AGL: variants seen among roughly 807,000 people sequenced by gnomAD.
AGL encodes glycogen debranching enzyme.
A neutral mutation model predicts 199.3 loss-of-function variants in AGL; 128 were observed. The ratio of observed to expected loss-of-function variants is 0.64; its 90% CI spans 0.56 to 0.74. The LOEUF (loss-of-function observed/expected upper bound fraction) is 0.74. Ranked by LOEUF, AGL falls within the 30% of genes least tolerant of loss-of-function variation. The pLI, the probability that AGL is intolerant of heterozygous loss-of-function variation, is 0.00. For synonymous variants in AGL, 584 were observed against 594.7 expected, an observed-to-expected ratio of 0.98 and a Z score of 0.26; for missense variants, 1,809 against 1,820.8, an observed-to-expected ratio of 0.99 and a Z score of 0.12.
rs751094147 is a variant in AGL at position 99,887,988 on chromosome 1, A to C, written c.2692A>C (p.Arg898=). Residue 898 remains arginine (R), a synonymous_variant, in exon 21 of 34, where the codon AGA becomes CGA. Coordinates refer to ENST00000361915, the MANE Select transcript of AGL (RefSeq NM_000642.3). The part of the protein sequence containing the change: ...LKIPFASLAS[R]LTLAELNQIL... The stretch of plus-strand genomic sequence containing the variant: ...TTTTCCAATTCTTAGTCTTGCCTCC[A>C]GATTAACTTTGGCTGAGCTAAATCA... 1 of 1,613,426 alleles carries C rather than the reference A, an allele frequency of 6.2e-7. No homozygotes were observed. The highest frequency in any genetic ancestry group is 8.5e-7 in the Non-Finnish European group (1 of 1,179,562).
At chr1:99,905,669 G>A (rs1205736206) in intron 27 of AGL, among the ~76,000 whole-genome samples, 1 of 152,084 alleles carries the variant, frequency 6.6e-6, no homozygotes, top group Non-Finnish European at 1.5e-5. Flanking sequence ...TAATTCCTGG[G>A]TTTAAGCAGT....
chr1:99,923,075 G>T lies in AGL; in HGVS notation c.*1424G>T, dbSNP rs539563332. On this transcript the variant is annotated 3_prime_UTR_variant, in exon 34 of 34. Coordinates refer to ENST00000361915, the MANE Select transcript of AGL (RefSeq NM_000642.3). ...TATCTGCCTGCTCTTCTTCAAAGCT[G>T]ACCTTGCTTTAGAAATAGTTTTAAC... 4 of 152,224 alleles carry T rather than the reference G, an allele frequency of 2.6e-5. No homozygotes were observed. Among genetic ancestry groups the T allele is most frequent in the East Asian group, 1.9e-4 (1 of 5,190 alleles). The allele number at this position is 152,224 out of a possible 1,614,324, so 9.4% of individuals were successfully genotyped here. A position where few individuals can be genotyped will look rare whatever the true frequency, so the allele number is the denominator to read the frequency against.
intron 20 of AGL, among the ~76,000 whole-genome samples, chr1:99,885,283 A>G (rs1025724520): frequency 2.6e-5 from 4 of 152,158 alleles, no homozygotes; most frequent in African/African-American, 7.2e-5. Context: ...TCTTGGATCT[A>G]TTGTTTAGAA....
At chr1:99,902,635 GA>G (rs1267601920) in intron 26 of AGL, 47 bp from the exon 27 acceptor site, 5 of 1,440,546 alleles carry the variant, frequency 3.5e-6, no homozygotes, top group East Asian at 4.6e-5. Flanking sequence ...GGGAAAATAA[GA>G]AAAATGTAAT....
At chr1:99,916,115 T>G (rs1352692343) in intron 31 of AGL, among the ~76,000 whole-genome samples, 1 of 152,162 alleles carries the variant, frequency 6.6e-6, no homozygotes. Context: ...ATAGTTGACT[T>G]TAAACCAAGC....
At chr1:99,907,578 AC>A (rs1245131496) in intron 27 of AGL, among the ~76,000 whole-genome samples, 14 of 152,162 alleles carry the variant, frequency 9.2e-5, no homozygotes, top group African/African-American at 3.1e-4. Context: ...CTAATAGTAA[AC>A]AGGCTTCCAT....
Position 99,921,587 on chromosome 1 carries a change from C to CT in AGL, c.4538dup (p.Ser1514GlnfsTer3). On this transcript the variant is annotated frameshift_variant, in exon 34 of 34. Transcript: ENST00000361915. LOFTEE classifies it high-confidence loss of function. Reference sequence around the variant, plus strand: ...ACCAATGAGAATGCCCAGTACTGTCCTTTCAGCTGTGAAACACAAGCCTGG... The same window carrying CT: ...ACCAATGAGAATGCCCAGTACTGTCCTTTTCAGCTGTGAAACACAAGCCTGG... 1 of 1,613,184 alleles carries CT rather than the reference C, an allele frequency of 6.2e-7. No homozygotes were observed. The highest frequency in any genetic ancestry group is 8.5e-7 in the Non-Finnish European group (1 of 1,179,486).
In AGL at chr1:99,923,167, C is replaced by CA. The variant is rs1655626015; in HGVS notation, c.*1517dup. Reference sequence around the variant, plus strand: ...CCTACAAATTTAAGGACAGTTGTGACAGTAATCTGACCACTATCTATAAAT... The same window carrying CA: ...CCTACAAATTTAAGGACAGTTGTGACAAGTAATCTGACCACTATCTATAAAT... On this transcript the variant is annotated 3_prime_UTR_variant, in exon 34 of 34. Transcript: ENST00000361915. The CA allele has an allele frequency of 2.0e-5, 3 of 152,098 alleles. No homozygotes were observed. Among genetic ancestry groups the CA allele is most frequent in the Admixed American group, 2.0e-4 (3 of 15,272 alleles). The allele number at this position is 152,098 out of a possible 1,614,324, so 9.4% of individuals were successfully genotyped here.
intron 25 of AGL, 27 bp from the exon 26 acceptor site, chr1:99,900,609 C>T (rs932649242): frequency 8.3e-5 from 133 of 1,593,784 alleles, no homozygotes; most frequent in Non-Finnish European, 1.1e-4. Flanking sequence ...GTTTTCATTT[C>T]TGATCCACTT....
intron 12 of AGL, among the ~76,000 whole-genome samples, chr1:99,879,285 T>G (rs1333517387): frequency 1.3e-5 from 2 of 152,090 alleles, no homozygotes; most frequent in African/African-American, 2.4e-5. Flanking sequence ...CTGATTAAAG[T>G]TTTAAAAATA....
chr1:99,864,730 G>A lies in AGL; in HGVS notation c.664+141G>A, dbSNP rs1650362504. The A allele has an allele frequency of 1.8e-5, 13 of 710,486 alleles. 1 individual carries two copies. In the South Asian group the frequency reaches 2.4e-4, roughly 13 times the overall value. The allele number at this position is 710,486 out of a possible 1,614,324, so 44.0% of individuals were successfully genotyped here. A position where few individuals can be genotyped will look rare whatever the true frequency, so the allele number is the denominator to read the frequency against. On this transcript the variant is annotated intron_variant, in intron 5 of 33. Transcript: ENST00000361915. ...TTTTAAAAACACAAATGATGATTAGGTGTCCTTCTGTTTAAAAAATTAATA... is the reference window on the plus strand; with the variant it reads ...TTTTAAAAACACAAATGATGATTAGATGTCCTTCTGTTTAAAAAATTAATA...
rs1234703417 is a variant in AGL, at chr1:99,884,025, C to G, written c.2309-95C>G. ...AAAAAAGTAACTGATAATTTGTTTT[C>G]AACTTTAAGTTAAATGATTTGAAAC... On this transcript the variant is annotated intron_variant, in intron 17 of 33. Transcript: ENST00000361915. 49 of 1,052,134 alleles carry G rather than the reference C, an allele frequency of 4.7e-5. 1 individual carries two copies. Among genetic ancestry groups the G allele is most frequent in the Middle Eastern group, 3.1e-4 (1 of 3,230 alleles). 65.2% of individuals were successfully genotyped at this position (1,052,134 alleles called of 1,614,324 possible).
chr1:99,894,086 G>T (rs750819803), intron 24 of AGL, among the ~76,000 whole-genome samples: 15 of 152,044 alleles, frequency 9.9e-5, no homozygotes, highest in Admixed American at 6.6e-5. Flanking sequence ...TACTCAGGAG[G>T]CTGGGGCAGG....
At chr1:99,908,416 T>G (rs993092313) in intron 27 of AGL, among the ~76,000 whole-genome samples, 1 of 152,216 alleles carries the variant, frequency 6.6e-6, no homozygotes, top group Non-Finnish European at 1.5e-5. Context: ...TTAGTGTAGC[T>G]TTGTAGTAAG....
At chr1:99,857,847 A>AGAGGGAGACCGTGGGGAGGGGGCGGGGGT (rs1557743553) in intron 2 of AGL, among the ~76,000 whole-genome samples, 1 of 8,226 alleles carries the variant, frequency 1.2e-4, no homozygotes, top group Admixed American at 1.1e-3. Flanking sequence ...GGGGAGGGGG[A>AGAGGGAGACCGTGGGGAGGGGGCGGGGGT]GGGGGGAAGA....
At chr1:99,876,386 T>G (rs1249141151) in intron 10 of AGL, 72 bp from the exon 11 acceptor site, 1 of 1,210,984 alleles carries the variant, frequency 8.3e-7, no homozygotes, top group Non-Finnish European at 1.2e-6. Flanking sequence ...AGTTTAGTTT[T>G]AATATTGCAA....
At position 99,921,957 on chromosome 1, in the gene AGL, G is replaced by A; in HGVS notation, c.*306G>A. 1.9e-5 allele frequency: 4 copies of A among 208,044 alleles called. No individual in the cohort carries two copies. The highest frequency in any genetic ancestry group is 1.1e-4 in the South Asian group (1 of 8,862). 12.9% of individuals were successfully genotyped at this position (208,044 alleles called of 1,614,324 possible). A position where few individuals can be genotyped will look rare whatever the true frequency, so the allele number is the denominator to read the frequency against. ...TGTCATCTTCTATTTGTACAGAAAT[G>A]AAAATAAAATATGAAAATAATGAAA... is the stretch of plus-strand genomic sequence containing the variant. On this transcript the variant is annotated 3_prime_UTR_variant, in exon 34 of 34. Transcript: ENST00000361915.
Position 99,915,439 on chromosome 1 carries a change from A to C in AGL, c.4212A>C (p.Ala1404=), listed in dbSNP as rs766097240. ...AAGCATGGAAAGCTTTGGAGATTGC[A>C]GAAAAAAAATTGCTTGGTCCCCTTG... ...TEKAWKALEI[A]EKKLLGPLGM... Residue 1404 remains alanine, a synonymous_variant, in exon 31 of 34, where the codon GCA becomes GCC. Coordinates refer to ENST00000361915, the MANE Select transcript of AGL (RefSeq NM_000642.3). 1.9e-6 allele frequency: 3 copies of C among 1,614,018 alleles called. No homozygotes were observed. The East Asian group carries it at 6.7e-5, about 36-fold the overall frequency.
chr1:99,907,561 A>G (rs1654386047), intron 27 of AGL, among the ~76,000 whole-genome samples: 1 of 151,480 alleles, frequency 6.6e-6, no homozygotes, highest in African/African-American at 2.4e-5. Flanking sequence ...GCCATTTTAC[A>G]CTCTTACTAA....
Sources: allele counts gnomAD v4.1 joint callset (sites outside exome capture counted in the v4.1 genomes callset), GRCh38; gene constraint gnomAD v4.1.1; transcripts MANE v1.5; gene names NCBI Gene and HGNC (gene_info 2026-07-23, HGNC 2026-07-21).